Variants in GRID2 observed in about 807,000 individuals in gnomAD.
The protein encoded by GRID2 is glutamate ionotropic receptor delta type subunit 2.
GRID2 carries 33 observed loss-of-function variants against 114.8 expected under a neutral mutation model. That is an observed-to-expected ratio of 0.29 (90% confidence interval 0.22 to 0.38). The LOEUF (loss-of-function observed/expected upper bound fraction) is 0.38, where lower values mean the gene tolerates loss of function less well. Ranked by LOEUF, GRID2 falls within the 10% of genes least tolerant of loss-of-function variation. The pLI is 1.00. For synonymous variants in GRID2, 505 were observed against 449.9 expected (o/e 1.12, Z -1.55); for missense variants, 1,184 against 1,257.7 (o/e 0.94, Z 0.89).
At chr4:92,530,478 A>T (rs1038117332) in intron 1 of GRID2, among the ~76,000 whole-genome samples, 1 of 147,514 alleles carries the variant, frequency 6.8e-6, no homozygotes, top group Non-Finnish European at 1.5e-5. Flanking sequence ...AAAGTCAACC[A>T]CTACCACAAA....
At chr4:93,334,850 G>A (rs931541525) in intron 8 of GRID2, among the ~76,000 whole-genome samples, 10 of 152,034 alleles carry the variant, frequency 6.6e-5, no homozygotes, top group African/African-American at 2.4e-4. Flanking sequence ...AGAATCGCTT[G>A]AACCCGGGAG....
At chr4:93,451,644 C>T (rs546862728) in intron 10 of GRID2, among the ~76,000 whole-genome samples, 9 of 151,956 alleles carry the variant, frequency 5.9e-5, no homozygotes, top group Admixed American at 2.0e-4. Context: ...ACTTTGGCTA[C>T]AATAGGGAGA....
chr4:92,942,805 A>AT (rs1312706137), intron 2 of GRID2, among the ~76,000 whole-genome samples: 2 of 152,020 alleles, frequency 1.3e-5, no homozygotes, highest in Non-Finnish European at 2.9e-5. Context: ...TCTGTAAAGG[A>AT]TTTTATTTCT....
chr4:92,617,329 A>T (rs148289915), intron 2 of GRID2, among the ~76,000 whole-genome samples: 3 of 151,496 alleles, frequency 2.0e-5, no homozygotes, highest in Non-Finnish European at 4.4e-5. Context: ...TCTAGCTTTT[A>T]AGCCCCGCAT....
intron 14 of GRID2, among the ~76,000 whole-genome samples, chr4:93,730,306 T>C (rs1318611384): frequency 6.6e-6 from 1 of 152,148 alleles, no homozygotes; most frequent in East Asian, 1.9e-4. Flanking sequence ...TCAGAAAATA[T>C]GAGTGCAGCC....
At position 92,509,893 on chromosome 4, in the gene GRID2, G is replaced by A. The variant is rs189651089; in HGVS notation, c.89-80238G>A. On this transcript the variant is annotated intron_variant, in intron 1 of 15. Coordinates refer to ENST00000282020, the MANE Select transcript of GRID2 (RefSeq NM_001510.4). The stretch of plus-strand genomic sequence containing the variant: ...AAAAATGTGCATTCCAAGGGATAAG[G>A]GAAGGCCAAATTATGAAAAGCCATG... Among the ~76,000 whole-genome samples, 300 of 151,954 alleles carry A rather than the reference G, an allele frequency of 2.0e-3. 3 individuals are homozygous for A. The highest frequency in any genetic ancestry group is 4.7e-4 in the Non-Finnish European group (32 of 67,914).
rs1048945152 is a variant in GRID2 at position 93,772,879 on chromosome 4, G to T, written c.*381G>T. The T allele has an allele frequency of 5.8e-6, 1 of 173,082 alleles. No individual in the cohort carries two copies. Among genetic ancestry groups the T allele is most frequent in the African/African-American group, 2.4e-5 (1 of 42,132 alleles). The allele number at this position is 173,082 out of a possible 1,614,324, so 10.7% of individuals were successfully genotyped here. On this transcript the variant is annotated 3_prime_UTR_variant, in exon 16 of 16. Transcript: ENST00000282020. ...CTTCTGTAACATTTCTCTATTTTTT[G>T]AAATACAATTGCAATAACTTCAGTC...
chr4:93,067,405 G>A (rs1314173458), intron 2 of GRID2, among the ~76,000 whole-genome samples: 2 of 151,968 alleles, frequency 1.3e-5, no homozygotes, highest in Non-Finnish European at 2.9e-5. Flanking sequence ...AGCAGATTTG[G>A]TGTCTTGTAA....
At chr4:92,561,788 G>C (rs1214888564) in intron 1 of GRID2, among the ~76,000 whole-genome samples, 1 of 152,140 alleles carries the variant, frequency 6.6e-6, no homozygotes, top group Admixed American at 6.6e-5. Context: ...TTGAGAGTTG[G>C]TGGATTGTTG....
chr4:92,377,828 G>A (rs898473807), intron 1 of GRID2, among the ~76,000 whole-genome samples: 1 of 152,022 alleles, frequency 6.6e-6, no homozygotes, highest in African/African-American at 2.4e-5. Flanking sequence ...TACAAGAATA[G>A]CATGGGAAAG....
At chr4:92,828,870 T>C (rs1009454576) in intron 2 of GRID2, among the ~76,000 whole-genome samples, 3 of 152,286 alleles carry the variant, frequency 2.0e-5, no homozygotes, top group Non-Finnish European at 4.4e-5. Context: ...TGTTTGTTTT[T>C]TTCTTGTAAA....
intron 2 of GRID2, among the ~76,000 whole-genome samples, chr4:92,691,764 C>T (rs1384104532): frequency 6.6e-6 from 1 of 152,154 alleles, no homozygotes; most frequent in Non-Finnish European, 1.5e-5. Context: ...TGGTTCCCAT[C>T]ATCACACATA....
chr4:93,387,300 A>G (rs1367370327), intron 8 of GRID2, among the ~76,000 whole-genome samples: 1 of 152,200 alleles, frequency 6.6e-6, no homozygotes, highest in Non-Finnish European at 1.5e-5. Context: ...TATAGCTCCA[A>G]TAAAACAACT....
At chr4:92,907,222 CCAGA>C (rs1405388705) in intron 2 of GRID2, among the ~76,000 whole-genome samples, 1 of 152,032 alleles carries the variant, frequency 6.6e-6, no homozygotes, top group African/African-American at 2.4e-5. Flanking sequence ...CAAGAAAGAG[CCAGA>C]CATTCATTCT....
chr4:92,727,515 T>G (rs1375661401), intron 2 of GRID2, among the ~76,000 whole-genome samples: 1 of 152,114 alleles, frequency 6.6e-6, no homozygotes. Context: ...TGATATCCTT[T>G]GGGTTGGTTA....
At chr4:93,434,339 T>C (rs1720858635) in intron 10 of GRID2, among the ~76,000 whole-genome samples, 1 of 152,082 alleles carries the variant, frequency 6.6e-6, no homozygotes, top group South Asian at 2.1e-4. Context: ...TAAGGAGATA[T>C]ACCTAATGTA....
At chr4:93,307,428 A>G (rs1481276603) in intron 8 of GRID2, among the ~76,000 whole-genome samples, 3 of 151,984 alleles carry the variant, frequency 2.0e-5, no homozygotes, top group Non-Finnish European at 2.9e-5. Context: ...AGTTTGACCT[A>G]AACAATCTTA....
chr4:92,443,193 G>A (rs1310293357), intron 1 of GRID2, among the ~76,000 whole-genome samples: 6 of 152,134 alleles, frequency 3.9e-5, no homozygotes, highest in East Asian at 1.9e-4. Context: ...ATGCCTGGAC[G>A]TCAGGCACCT....
intron 1 of GRID2, among the ~76,000 whole-genome samples, chr4:92,454,413 TATAA>T (rs1161369439): frequency 3.3e-5 from 5 of 152,332 alleles, no homozygotes; most frequent in East Asian, 1.9e-4. Context: ...TGATTCTCCA[TATAA>T]ATACAGTTTT....
Sources: allele counts gnomAD v4.1 joint callset (sites outside exome capture counted in the v4.1 genomes callset), GRCh38; gene constraint gnomAD v4.1.1; transcripts MANE v1.5; gene names NCBI Gene and HGNC (gene_info 2026-07-23, HGNC 2026-07-21).